The following LRBA variants were observed in gnomAD, a reference collection of about 807,000 sequenced individuals.
LRBA encodes the protein lipopolysaccharide-responsive and beige-like anchor protein.
In LRBA, 176 loss-of-function variants were observed where a neutral mutation model predicts 330.0. The observed-to-expected ratio is 0.53, with a 90% CI of 0.47 to 0.60. The LOEUF (loss-of-function observed/expected upper bound fraction) is 0.60. Among genes scored for constraint, LRBA ranks in the 20% least tolerant of loss-of-function variants. The probability of loss-of-function intolerance (pLI) is 0.00; values close to 1 mark genes in which losing one functional copy is unlikely to be tolerated. For missense variants in LRBA, 3,259 were observed against 3,444.8 expected (o/e 0.95, Z 1.35); for synonymous variants, 1,230 against 1,193.0 (o/e 1.03, Z -0.64).
chr4:150,775,791 C>A (rs2126557876), intron 34 of LRBA, among the ~76,000 whole-genome samples: 1 of 69,338 alleles, frequency 1.4e-5, no homozygotes, highest in African/African-American at 5.4e-5. Flanking sequence ...ATCATTAGTT[C>A]TACAAGAAAG....
At chr4:150,836,584 G>A (rs1748118066) in intron 28 of LRBA, among the ~76,000 whole-genome samples, 1 of 152,200 alleles carries the variant, frequency 6.6e-6, no homozygotes, top group Non-Finnish European at 1.5e-5. Context: ...TATTTGCATA[G>A]AGGTGTTTAT....
intron 16 of LRBA, among the ~76,000 whole-genome samples, chr4:150,894,363 C>A (rs1334445692): frequency 1.3e-5 from 2 of 152,058 alleles, no homozygotes. Context: ...ATAAAGATAA[C>A]CAATAAATGT....
intron 47 of LRBA, among the ~76,000 whole-genome samples, chr4:150,387,692 G>A (rs1219754323): frequency 5.9e-5 from 9 of 152,014 alleles, no homozygotes; most frequent in Admixed American, 4.6e-4. Flanking sequence ...AGGAGGGGGT[G>A]GAGTCAGGGA....
chr4:150,425,862 A>C (rs1749529407), intron 46 of LRBA, among the ~76,000 whole-genome samples: 1 of 152,104 alleles, frequency 6.6e-6, no homozygotes, highest in Non-Finnish European at 1.5e-5. Context: ...AGCATGATAA[A>C]TTAGAAGTTA....
At chr4:150,799,279 A>T (rs1354345705) in intron 33 of LRBA, among the ~76,000 whole-genome samples, 1 of 152,206 alleles carries the variant, frequency 6.6e-6, no homozygotes, top group Non-Finnish European at 1.5e-5. Flanking sequence ...TAGCTATAGA[A>T]TGTCTCTATA....
intron 34 of LRBA, among the ~76,000 whole-genome samples, chr4:150,795,617 T>C (rs1466259540): frequency 2.0e-5 from 3 of 151,976 alleles, no homozygotes; most frequent in East Asian, 1.9e-4. Context: ...ATTAATAACA[T>C]TTTGCCTAAA....
chr4:150,435,863 T>C (rs1751044013), intron 45 of LRBA, among the ~76,000 whole-genome samples, 155 bp from the exon 46 acceptor site: 1 of 152,222 alleles, frequency 6.6e-6, no homozygotes, highest in Non-Finnish European at 1.5e-5. Context: ...ATTATTACAT[T>C]AATGTTCTCA....
chr4:151,007,070 C>A (rs905767922), intron 2 of LRBA, among the ~76,000 whole-genome samples: 1 of 152,148 alleles, frequency 6.6e-6, no homozygotes, highest in African/African-American at 2.4e-5. Context: ...AAACAAAAGG[C>A]AATTTGGTAC....
chr4:150,811,595 T>C (rs1743746051), intron 31 of LRBA, among the ~76,000 whole-genome samples: 1 of 152,182 alleles, frequency 6.6e-6, no homozygotes, highest in African/African-American at 2.4e-5. Context: ...CCTGAGTTCC[T>C]GGACTCAAGT....
chr4:150,727,072 T>TG (rs1257063692), intron 36 of LRBA, among the ~76,000 whole-genome samples: 1 of 130,596 alleles, frequency 7.7e-6, no homozygotes, highest in Non-Finnish European at 1.7e-5. Flanking sequence ...TCGTTGTTTT[T>TG]TTTTTTTTTT....
At chr4:150,705,403 C>T (rs1409074617) in intron 36 of LRBA, among the ~76,000 whole-genome samples, 1 of 151,998 alleles carries the variant, frequency 6.6e-6, no homozygotes, top group Non-Finnish European at 1.5e-5. Context: ...GTGAATCCCA[C>T]CAAACCTTTA....
At chr4:150,472,209 C>A (rs573223226) in intron 42 of LRBA, among the ~76,000 whole-genome samples, 2 of 151,868 alleles carry the variant, frequency 1.3e-5, no homozygotes, top group African/African-American at 4.8e-5. Context: ...ACTATTTGGG[C>A]GTCTGTTCAT....
chr4:150,662,387 A>G (rs542051293), intron 37 of LRBA, among the ~76,000 whole-genome samples: 23 of 152,344 alleles, frequency 1.5e-4, no homozygotes, highest in African/African-American at 5.3e-4. Flanking sequence ...AGAGGGTTGT[A>G]GCAACCCACT....
At chr4:150,781,122 G>A (rs976777963) in intron 34 of LRBA, among the ~76,000 whole-genome samples, 2 of 152,136 alleles carry the variant, frequency 1.3e-5, no homozygotes, top group African/African-American at 2.4e-5. Flanking sequence ...CTCATGATCC[G>A]CCTGCCTCGG....
In LRBA at chr4:150,277,867, C is replaced by G. The variant is rs1281451455; in HGVS notation, c.8454G>C (p.Leu2818=). ...TCCAGTGTTACCTCTGGTCGTAAGA[C>G]AGCGCCATGGCCCGGATTCCAGCGT... ...GCDAGIRAMA[L]SYDQRCIISG... is the part of the protein sequence containing the mutation. Residue 2818 remains leucine (L), a synonymous_variant, in exon 56 of 57, where the codon CTG becomes CTC. Coordinates refer to ENST00000651943, the MANE Select transcript of LRBA (RefSeq NM_001364905.1). 3.1e-6 allele frequency: 5 copies of G among 1,613,956 alleles called. No homozygotes were observed. In the African/African-American group the frequency reaches 6.7e-5, roughly 22 times the overall value.
intron 52 of LRBA, among the ~76,000 whole-genome samples, chr4:150,307,379 G>C (rs1284342109): frequency 6.6e-6 from 1 of 152,002 alleles, no homozygotes; most frequent in Admixed American, 6.6e-5. Flanking sequence ...AAACCAAAAA[G>C]AGTGGTTTAC....
chr4:150,525,863 T>C (rs1210154734), intron 40 of LRBA, among the ~76,000 whole-genome samples: 1 of 152,176 alleles, frequency 6.6e-6, no homozygotes, highest in African/African-American at 2.4e-5. Context: ...AAATAAGCTC[T>C]ATTTTATTCC....
intron 12 of LRBA, 96 bp downstream of exon 12, chr4:150,906,201 G>GA (rs1279725878): frequency 1.1e-6 from 1 of 881,686 alleles, no homozygotes; most frequent in Non-Finnish European, 1.8e-6. Context: ...TGTAACCAAG[G>GA]AGACATTCTT....
At chr4:150,769,191 C>T (rs946107935) in intron 34 of LRBA, among the ~76,000 whole-genome samples, 1 of 151,930 alleles carries the variant, frequency 6.6e-6, no homozygotes, top group Non-Finnish European at 1.5e-5. Context: ...GTAATCCACC[C>T]GCCTCGGCTT....
Sources: gnomAD v4.1 joint callset for allele counts (sites outside exome capture counted in the v4.1 genomes callset) on GRCh38, gnomAD v4.1.1 for gene constraint, MANE v1.5 for transcripts, NCBI Gene and HGNC (gene_info 2026-07-23, HGNC 2026-07-21) for gene names.